The following ADAM7 variants were observed in gnomAD, a reference collection of about 807,000 sequenced individuals.
ADAM7 encodes the protein ADAM metallopeptidase domain 7.
Under a neutral mutation model 102.9 loss-of-function variants are expected in ADAM7, and 97 were observed. The ratio of observed to expected loss-of-function variants is 0.94; its 90% CI spans 0.80 to 1.12. The LOEUF is 1.12. Among genes scored for constraint, ADAM7 ranks in the 50% most tolerant of loss-of-function variants. ADAM7 has a pLI of 0.00. For synonymous variants in ADAM7, 334 were observed against 304.4 expected (o/e 1.10, Z -1.01); for missense variants, 991 against 908.7 (o/e 1.09, Z -1.16).
intron 7 of ADAM7, chr8:24,475,984 T>C (rs1342180479): frequency 4.4e-6 from 2 of 455,914 alleles, no homozygotes; most frequent in African/African-American, 2.0e-5. Flanking sequence ...CCAGCTCCAG[T>C]GGGTTTTTAA....
rs182052773 is a variant in ADAM7, at chr8:24,451,569, T to C, written c.233+4307T>C. ...TTCTTTATTAGTCTTGCTAGTGGTCTAACAATTTTGTTGATCCTTTCAAAA... is the reference window on the plus strand; with the variant it reads ...TTCTTTATTAGTCTTGCTAGTGGTCCAACAATTTTGTTGATCCTTTCAAAA... On this transcript the variant is annotated intron_variant, in intron 3 of 21. Transcript: ENST00000175238. 3.1e-3 allele frequency among the ~76,000 whole-genome samples: 465 copies of C among 152,338 alleles called. 1 individual carries two copies. Among genetic ancestry groups the C allele is most frequent in the Non-Finnish European group, 5.3e-3 (362 of 68,036 alleles).
intron 16 of ADAM7, among the ~76,000 whole-genome samples, chr8:24,496,976 G>T (rs1820579421): frequency 6.6e-6 from 1 of 152,180 alleles, no homozygotes. Flanking sequence ...ATGTGGTTTG[G>T]CTGTGTCTCC....
At chr8:24,471,183 GATTTTA>G (rs1204770751) in intron 7 of ADAM7, among the ~76,000 whole-genome samples, 1 of 152,024 alleles carries the variant, frequency 6.6e-6, no homozygotes, top group African/African-American at 2.4e-5. Flanking sequence ...GAATGTGTTT[GATTTTA>G]AACTGATGTC....
At chr8:24,490,622 ATAGT>A (rs947676806) in intron 12 of ADAM7, 173 bp from the exon 13 acceptor site, 3 of 593,362 alleles carry the variant, frequency 5.1e-6, no homozygotes, top group Non-Finnish European at 8.9e-6. Flanking sequence ...AGAAGGAGAA[ATAGT>A]TAAAGTCCCA....
intron 11 of ADAM7, among the ~76,000 whole-genome samples, chr8:24,488,686 C>A (rs541294298): frequency 6.6e-6 from 1 of 152,138 alleles, no homozygotes; most frequent in Admixed American, 6.5e-5. Flanking sequence ...ATATTACATT[C>A]CTATGGATGT....
rs1820757431 is a variant in ADAM7 at position 24,501,488 on chromosome 8, A to C, written c.2120A>C (p.Glu707Ala). ...TTCCTTCTTGACAGCCCACCTACAG[A>C]AACCCTGGGAGTGGAGAACAAAGGA... ...KLKQVQSPPT[E>A]TLGVENKGYF... Residue 707 changes from glutamate to alanine, a missense_variant, in exon 20 of 22, where the codon GAA becomes GCA. Physicochemically the swap from Glu to Ala is moderately radical, Grantham distance 107 (BLOSUM62 -1). Transcript: ENST00000175238. 2 of 1,605,450 alleles carry C rather than the reference A, an allele frequency of 1.2e-6. No homozygotes were observed. Among genetic ancestry groups the C allele is most frequent in the Admixed American group, 3.5e-5 (2 of 57,970 alleles).
At position 24,499,280 on chromosome 8, in the gene ADAM7, C is replaced by A; in HGVS notation, c.1887C>A (p.Ile629=). 1 of 1,608,306 alleles carries A rather than the reference C, an allele frequency of 6.2e-7. No individual in the cohort carries two copies. Among genetic ancestry groups the A allele is most frequent in the Non-Finnish European group, 8.5e-7 (1 of 1,177,634 alleles). The change falls in exon 17 of 22, where the codon ATC becomes ATA. Residue 629 remains isoleucine (I), a synonymous_variant. Coordinates refer to ENST00000175238, the MANE Select transcript of ADAM7 (RefSeq NM_003817.4). ...GECLNMEKVY[I]STNCPSQCNE... ...GTCTAAACATGGAAAAGGTCTATAT[C>A]TCAACCAATTGCCCCTCTCAGTGCA...
In ADAM7 at chr8:24,447,222, C is replaced by A. The variant is rs866825140; in HGVS notation, c.193C>A (p.Leu65Ile). ...AGAAGAATTGTTGTATGAAATAAAA[C>A]TAAATAGAAAAACCTTAGTCCTTCA... ...YEEELLYEIK[L>I]NRKTLVLHLL... is the part of the protein sequence containing the mutation. The change falls in exon 3 of 22, where the codon CTA (leucine) becomes ATA (isoleucine). Residue 65 changes from leucine (L) to isoleucine (I), a missense_variant. Leu to Ile is a conservative substitution (Grantham distance 5). Coordinates refer to ENST00000175238, the MANE Select transcript of ADAM7 (RefSeq NM_003817.4). The A allele has an allele frequency of 6.5e-7, 1 of 1,549,612 alleles. No individual in the cohort carries two copies. The highest frequency in any genetic ancestry group is 8.8e-7 in the Non-Finnish European group (1 of 1,135,188).
chr8:24,450,153 C>T (rs373310465), intron 3 of ADAM7, among the ~76,000 whole-genome samples: 3 of 151,820 alleles, frequency 2.0e-5, no homozygotes, highest in Non-Finnish European at 2.9e-5. Context: ...GGTTCCATAT[C>T]AACTTTAAAG....
At chr8:24,478,431 T>C (rs1394125483) in intron 8 of ADAM7, among the ~76,000 whole-genome samples, 2 of 152,194 alleles carry the variant, frequency 1.3e-5, no homozygotes, top group Non-Finnish European at 2.9e-5. Context: ...TTCACTGTTA[T>C]TCAACTCAGA....
chr8:24,453,268 C>T (rs1350463188), intron 3 of ADAM7, among the ~76,000 whole-genome samples: 1 of 152,150 alleles, frequency 6.6e-6, no homozygotes, highest in African/African-American at 2.4e-5. Context: ...TTCCATTCTC[C>T]CCATCAGTTT....
chr8:24,468,067 A>G (rs1819488189), intron 6 of ADAM7, among the ~76,000 whole-genome samples: 1 of 152,130 alleles, frequency 6.6e-6, no homozygotes, highest in South Asian at 2.1e-4. Flanking sequence ...CCCTGTCTCA[A>G]AAGAAAAATA....
chr8:24,493,094 C>A lies in ADAM7; in HGVS notation c.1707C>A (p.Leu569=). The A allele has an allele frequency of 6.2e-7, 1 of 1,612,054 alleles. No individual in the cohort carries two copies. Among genetic ancestry groups the A allele is most frequent in the Non-Finnish European group, 8.5e-7 (1 of 1,179,128 alleles). Residue 569 remains leucine, a synonymous_variant, in exon 16 of 22, where the codon CTC becomes CTA. Coordinates refer to ENST00000175238, the MANE Select transcript of ADAM7 (RefSeq NM_003817.4). The stretch of plus-strand genomic sequence containing the variant: ...GCACTGGAGGGGAGCTTTCCTCTCT[C>A]CTTGGAGAAGACAAGACTTATCACC... The part of the protein sequence containing the change: ...IYCTGGELSS[L]LGEDKTYHLK...
chr8:24,477,569 A>AGTGTGTGAGTGT (rs60219377), intron 8 of ADAM7, among the ~76,000 whole-genome samples: 2,622 of 145,614 alleles, frequency 0.018, 64 homozygotes, highest in African/African-American at 0.059. Context: ...TACCCTCATC[A>AGTGTGTGAGTGT]GTGTGTGTGT....
chr8:24,504,729 T>C (rs193181657), intron 20 of ADAM7, among the ~76,000 whole-genome samples: 1 of 152,200 alleles, frequency 6.6e-6, no homozygotes, highest in African/African-American at 2.4e-5. Context: ...GCCTTGTGAT[T>C]TTTACTGCAC....
chr8:24,453,156 T>TTTG, intron 3 of ADAM7, among the ~76,000 whole-genome samples: 1 of 152,146 alleles, frequency 6.6e-6, no homozygotes, highest in East Asian at 1.9e-4. Flanking sequence ...GAGGAGTATC[T>TTTG]TTGTGGCATT....
chr8:24,500,002 G>GTT (rs1413332848), intron 17 of ADAM7, among the ~76,000 whole-genome samples, 176 bp from the exon 18 acceptor site: 13 of 151,954 alleles, frequency 8.6e-5, no homozygotes, highest in Non-Finnish European at 1.9e-4. Flanking sequence ...CTTGTATTTT[G>GTT]TTTACTTATT....
At chr8:24,465,877 A>G (rs1819407516) in intron 5 of ADAM7, 102 bp downstream of exon 5, 1 of 785,600 alleles carries the variant, frequency 1.3e-6, no homozygotes, top group South Asian at 3.0e-5. Flanking sequence ...TATATAGAAA[A>G]ATTAATGAGA....
rs765178430 is a variant in ADAM7 at position 24,491,931 on chromosome 8, C to G, written c.1385C>G (p.Pro462Arg). 3 of 1,612,030 alleles carry G rather than the reference C, an allele frequency of 1.9e-6. No homozygotes were observed. The African/African-American group carries it at 4.0e-5, about 22-fold the overall frequency. Residue 462 changes from proline to arginine, a missense_variant, in exon 14 of 22, where the codon CCG becomes CGG. Physicochemically the swap from Pro to Arg is moderately radical, Grantham distance 103 (BLOSUM62 -2). Transcript: ENST00000175238. The stretch of plus-strand genomic sequence containing the variant: ...AAAAAAGCAGGGTCCATATGCAGAC[C>G]GGCGAAAGATGAATGTGATTTTCCT... ...QIKKAGSICR[P>R]AKDECDFPEM...
Sources: gnomAD v4.1 joint callset for allele counts (sites outside exome capture counted in the v4.1 genomes callset) on GRCh38, gnomAD v4.1.1 for gene constraint, MANE v1.5 for transcripts, NCBI Gene and HGNC (gene_info 2026-07-23, HGNC 2026-07-21) for gene names.